DZANK1: variants seen among roughly 807,000 people sequenced by gnomAD.
The protein encoded by DZANK1 is double zinc ribbon and ankyrin repeat-containing protein 1.
DZANK1 carries 91 observed loss-of-function variants against 94.5 expected under a neutral mutation model. The observed-to-expected ratio is 0.96, with a 90% CI of 0.81 to 1.15. DZANK1 has a LOEUF of 1.15. Among genes scored for constraint, DZANK1 ranks in the 50% most tolerant of loss-of-function variants. DZANK1 has a pLI of 0.00. For synonymous variants in DZANK1, 312 were observed against 325.3 expected (o/e 0.96, Z 0.44); for missense variants, 903 against 916.4 (o/e 0.99, Z 0.19).
chr20:18,440,469 C>T (rs1298336181), intron 8 of DZANK1, among the ~76,000 whole-genome samples: 1 of 152,146 alleles, frequency 6.6e-6, no homozygotes, highest in Non-Finnish European at 1.5e-5. Context: ...CACTTATTCC[C>T]CAAGACTCTG....
chr20:18,423,210 T>C (rs1249192457), intron 10 of DZANK1, among the ~76,000 whole-genome samples: 3 of 152,202 alleles, frequency 2.0e-5, no homozygotes, highest in Non-Finnish European at 2.9e-5. Context: ...CTATACCATC[T>C]AGGTTTGTGA....
rs16979186 is a variant in DZANK1, at chr20:18,450,902, T to C, written c.543+1713A>G. On this transcript the variant is annotated intron_variant, in intron 6 of 20. Coordinates refer to ENST00000262547, the Ensembl canonical transcript of DZANK1. ...GGCAACTAGTGTAAGAGCATCTTTC[T>C]TGTGTTATAGTAGTAAGAATGCACT... Among the ~76,000 whole-genome samples the C allele has an allele frequency of 2.5e-3, 387 of 152,330 alleles. 6 individuals are homozygous for C. The highest frequency in any genetic ancestry group is 0.021 in the Admixed American group (327 of 15,294).
At chr20:18,428,348 C>A (rs2058142682) in intron 9 of DZANK1, among the ~76,000 whole-genome samples, 1 of 151,784 alleles carries the variant, frequency 6.6e-6, no homozygotes, top group Admixed American at 6.6e-5. Context: ...GCCACTACGC[C>A]TGGCTAATTT....
chr20:18,434,545 CAA>C (rs55680576), intron 8 of DZANK1, among the ~76,000 whole-genome samples: 3 of 47,558 alleles, frequency 6.3e-5, no homozygotes, highest in Admixed American at 4.3e-4. Context: ...GACTCCTGCT[CAA>C]AAAAAAAAAA....
intron 13 of DZANK1, among the ~76,000 whole-genome samples, chr20:18,402,906 C>T (rs916691714): frequency 6.6e-6 from 1 of 152,148 alleles, no homozygotes; most frequent in Admixed American, 6.5e-5. Context: ...TAAAGCCATA[C>T]AGAAAATAAA....
chr20:18,426,214 G>C (rs1007219067), intron 10 of DZANK1, among the ~76,000 whole-genome samples: 1 of 152,122 alleles, frequency 6.6e-6, no homozygotes, highest in Non-Finnish European at 1.5e-5. Flanking sequence ...CTGTGCATGC[G>C]AGGGATCTAG....
At chr20:18,437,708 G>A (rs1490021683) in intron 8 of DZANK1, among the ~76,000 whole-genome samples, 1 of 152,016 alleles carries the variant, frequency 6.6e-6, no homozygotes, top group African/African-American at 2.4e-5. Flanking sequence ...TCCATGATGT[G>A]GTTATTATAT....
At position 18,460,244 on chromosome 20, in the gene DZANK1, T is replaced by C. The variant is rs764435678; in HGVS notation, c.172A>G (p.Ile58Val). 1.9e-6 allele frequency: 3 copies of C among 1,594,676 alleles called. No homozygotes were observed. In the East Asian group the frequency reaches 6.7e-5, roughly 36 times the overall value. The change falls in exon 3 of 21, where the codon ATT (isoleucine) becomes GTT (valine). Residue 58 changes from isoleucine to valine, a missense_variant. Transcript: ENST00000262547. Reference sequence around the variant, plus strand: ...AATGTGTTATTTTCCCCATAACCAATTCTCTTTAGAAATTCAGGTTTGCTG... The same window carrying C: ...AATGTGTTATTTTCCCCATAACCAACTCTCTTTAGAAATTCAGGTTTGCTG...
chr20:18,409,301 G>C (rs999463816), intron 13 of DZANK1, among the ~76,000 whole-genome samples: 1 of 152,120 alleles, frequency 6.6e-6, no homozygotes, highest in Non-Finnish European at 1.5e-5. Flanking sequence ...AGAAGCAAGA[G>C]AGAGGTGATT....
rs7266120 is a variant in DZANK1, at chr20:18,430,419, G to A, written c.861+3233C>T. ...CCTGGAGGTATATTGCATGTTGCTCGTAAAATCCCAAAGGAAACTGTAGTA... is the reference window on the plus strand; with the variant it reads ...CCTGGAGGTATATTGCATGTTGCTCATAAAATCCCAAAGGAAACTGTAGTA... On this transcript the variant is annotated intron_variant, in intron 9 of 20. Coordinates refer to ENST00000262547, the Ensembl canonical transcript of DZANK1. Among the ~76,000 whole-genome samples the A allele has an allele frequency of 2.1e-3, 318 of 152,304 alleles. 2 individuals are homozygous for A. Among genetic ancestry groups the A allele is most frequent in the African/African-American group, 7.2e-3 (301 of 41,556 alleles).
intron 19 of DZANK1, among the ~76,000 whole-genome samples, chr20:18,385,703 T>C (rs1011715951): frequency 1.6e-4 from 25 of 152,162 alleles, no homozygotes; most frequent in Non-Finnish European, 3.2e-4. Context: ...CAGTCTTAAC[T>C]TTGGCTTGGA....
In DZANK1 at chr20:18,433,649, T is replaced by C. The variant is rs1568970571; in HGVS notation, c.861+3A>G. 5.6e-6 allele frequency: 9 copies of C among 1,612,722 alleles called. No individual in the cohort carries two copies. Among genetic ancestry groups the C allele is most frequent in the Middle Eastern group, 3.3e-4 (2 of 6,078 alleles). ...ATGTTTTTACAGAATCACATTTCATTACCTTCAAGTGGAGGCTTGCCTGTG... is the reference window on the plus strand; with the variant it reads ...ATGTTTTTACAGAATCACATTTCATCACCTTCAAGTGGAGGCTTGCCTGTG... On this transcript the variant is annotated splice_donor_region_variant and intron_variant, in intron 9 of 20. Coordinates refer to ENST00000262547, the Ensembl canonical transcript of DZANK1.
At position 18,394,313 on chromosome 20, in the gene DZANK1, T is replaced by C. The variant is rs779131460; in HGVS notation, c.1649A>G (p.His550Arg). Reference sequence around the variant, plus strand: ...ACCCTCGGCAGCACTGCTCAGAAGGTGATCGCTGAAATTCACTGCCTTGTT... The same window carrying C: ...ACCCTCGGCAGCACTGCTCAGAAGGCGATCGCTGAAATTCACTGCCTTGTT... Residue 550 changes from histidine to arginine, a missense_variant, in exon 16 of 21, where the codon CAC becomes CGC. Transcript: ENST00000262547. The C allele has an allele frequency of 1.9e-6, 3 of 1,613,752 alleles. No homozygotes were observed. In the East Asian group the frequency reaches 6.7e-5, roughly 36 times the overall value.
intron 17 of DZANK1, among the ~76,000 whole-genome samples, chr20:18,390,874 C>T (rs1202506691): frequency 6.6e-6 from 1 of 151,904 alleles, no homozygotes; most frequent in Non-Finnish European, 1.5e-5. Context: ...CCCTGAGGAA[C>T]GAATGAGCCA....
At chr20:18,394,446 G>T in intron 15 of DZANK1, 96 bp from the exon 16 acceptor site, 1 of 1,188,088 alleles carries the variant, frequency 8.4e-7, no homozygotes, top group Non-Finnish European at 1.2e-6. Flanking sequence ...TCCTTATTAA[G>T]TACAGCTCTA....
chr20:18,385,037 T>C (rs1403195112), exon 20 of DZANK1: 1 of 1,552,942 alleles, frequency 6.4e-7, no homozygotes. Context: ...GGCGGTGCTC[T>C]CTCTTCCTGC....
intron 3 of DZANK1, among the ~76,000 whole-genome samples, chr20:18,458,970 T>C (rs777522208): frequency 6.6e-6 from 1 of 152,242 alleles, no homozygotes; most frequent in African/African-American, 2.4e-5. Flanking sequence ...CCTTTCAGAA[T>C]AGACACTTAG....
intron 19 of DZANK1, among the ~76,000 whole-genome samples, chr20:18,387,440 C>T (rs1447698444): frequency 6.6e-6 from 1 of 152,208 alleles, no homozygotes; most frequent in Non-Finnish European, 1.5e-5. Flanking sequence ...GATTAATGTA[C>T]ATTCTCTCCT....
At chr20:18,398,223 T>A in intron 14 of DZANK1, 1 of 375,056 alleles carries the variant, frequency 2.7e-6, no homozygotes, top group South Asian at 3.6e-5. Flanking sequence ...CTGGATGGAT[T>A]AAATTGTTCT....
Sources: allele counts gnomAD v4.1 joint callset (sites outside exome capture counted in the v4.1 genomes callset), GRCh38; gene constraint gnomAD v4.1.1; transcripts MANE v1.5; gene names NCBI Gene and HGNC (gene_info 2026-07-23, HGNC 2026-07-21).